The following FBXL16 variants were observed in gnomAD, a reference collection of about 807,000 sequenced individuals.
FBXL16 encodes F-box and leucine rich repeat protein 16.
In FBXL16, 7 loss-of-function variants were observed where a neutral mutation model predicts 36.7. That is an observed-to-expected ratio of 0.19 (90% CI 0.11 to 0.36). The LOEUF (loss-of-function observed/expected upper bound fraction) is 0.36. FBXL16 is among the 10% of genes least tolerant of loss of function. FBXL16 has a pLI of 1.00. For missense variants in FBXL16, 463 were observed against 659.4 expected (o/e 0.70, Z 3.26); for synonymous variants, 355 against 308.7 (o/e 1.15, Z -1.57).
rs1005203491 is a variant in FBXL16 at position 692,511 on chromosome 16, C to T, written c.*1764G>A. 6.6e-6 allele frequency: 1 copy of T among 152,280 alleles called. No individual in the cohort carries two copies. Among genetic ancestry groups the T allele is most frequent in the East Asian group, 1.9e-4 (1 of 5,206 alleles). 9.4% of individuals were successfully genotyped at this position (152,280 alleles called of 1,614,324 possible). The stretch of plus-strand genomic sequence containing the variant: ...ACAACTCAGACACATGTTTTTACAA[C>T]TTTTTTAATATATATTTTTATAAAC... On this transcript the variant is annotated 3_prime_UTR_variant, in exon 6 of 6. Coordinates refer to ENST00000397621, the MANE Select transcript of FBXL16 (RefSeq NM_153350.4).
In FBXL16 at chr16:695,616, T is replaced by C. The variant is rs1366912078; in HGVS notation, c.941A>G (p.Asn314Ser). 1 of 1,606,716 alleles carries C rather than the reference T, an allele frequency of 6.2e-7. No homozygotes were observed. Among genetic ancestry groups the C allele is most frequent in the Non-Finnish European group, 8.5e-7 (1 of 1,178,974 alleles). The change falls in exon 3 of 6, where the codon AAC becomes AGC. Residue 314 changes from asparagine to serine, a missense_variant. By Grantham distance (46) the Asn-to-Ser change is conservative. Transcript: ENST00000397621. ...GAGGTTGGGCAGGCTGTGCACCACG[T>C]TGACCACGCCGTGGTTGGTGATCTC... ...CWEITNHGVV[N>S]VVHSLPNLTA...
chr16:705,272 A>G (rs2040083926), intron 1 of FBXL16, among the ~76,000 whole-genome samples: 1 of 151,710 alleles, frequency 6.6e-6, no homozygotes, highest in African/African-American at 2.4e-5. Flanking sequence ...CCGAGTGGCC[A>G]GTGGGGAGCG....
intron 1 of FBXL16, among the ~76,000 whole-genome samples, chr16:699,288 G>A (rs1252026051): frequency 6.6e-6 from 1 of 152,248 alleles, no homozygotes; most frequent in East Asian, 1.9e-4. Flanking sequence ...CCCTCCTCAG[G>A]CCTCCAGTCT....
chr16:700,322 T>C (rs944579396), intron 1 of FBXL16, among the ~76,000 whole-genome samples: 1 of 152,092 alleles, frequency 6.6e-6, no homozygotes, highest in Non-Finnish European at 1.5e-5. Context: ...ATTCGGGTCC[T>C]GGAAGGTGAG....
chr16:698,143 T>A (rs74955257), intron 1 of FBXL16, among the ~76,000 whole-genome samples: 8,030 of 151,858 alleles, frequency 0.053, 698 homozygotes, highest in African/African-American at 0.18. Context: ...AGCTGGGAAT[T>A]CGGGCGCCCA....
At chr16:694,876 G>T in intron 4 of FBXL16, 116 bp downstream of exon 4, 1 of 1,279,612 alleles carries the variant, frequency 7.8e-7, no homozygotes, top group Non-Finnish European at 1.1e-6. Flanking sequence ...CGCTTAGGTC[G>T]GCTGCTGGAT....
Position 694,779 on chromosome 16 carries a change from G to A in FBXL16, c.1228-82C>T, listed in dbSNP as rs942718082. On this transcript the variant is annotated intron_variant, in intron 4 of 5. Transcript: ENST00000397621. Reference sequence around the variant, plus strand: ...CCCTGGGGTCCATGGAGGGCTAGGCGGGTTCAAGCCCGGGGTTCCTCCGTC... The same window carrying A: ...CCCTGGGGTCCATGGAGGGCTAGGCAGGTTCAAGCCCGGGGTTCCTCCGTC... 1.1e-5 allele frequency: 16 copies of A among 1,430,584 alleles called. No homozygotes were observed. The South Asian group carries it at 1.3e-4, about 12-fold the overall frequency. 88.6% of individuals were successfully genotyped at this position (1,430,584 alleles called of 1,614,324 possible).
At position 695,582 on chromosome 16, in the gene FBXL16, G is replaced by A. The variant is rs1306786067; in HGVS notation, c.975C>T (p.Leu325=). Reference sequence around the variant, plus strand: ...TGACCTTGGAGCAGCCCGAGAGGCTGAGCGCGGTGAGGTTGGGCAGGCTGT... The same window carrying A: ...TGACCTTGGAGCAGCCCGAGAGGCTAAGCGCGGTGAGGTTGGGCAGGCTGT... The part of the protein sequence containing the change: ...VVHSLPNLTA[L]SLSGCSKVTD... Residue 325 remains leucine (L), a synonymous_variant, in exon 3 of 6, where the codon CTC becomes CTT. Transcript: ENST00000397621. The A allele has an allele frequency of 6.2e-7, 1 of 1,605,660 alleles. No individual in the cohort carries two copies. Among genetic ancestry groups the A allele is most frequent in the Non-Finnish European group, 8.5e-7 (1 of 1,179,044 alleles).
intron 1 of FBXL16, among the ~76,000 whole-genome samples, chr16:702,257 C>T (rs931928111): frequency 1.3e-5 from 2 of 152,138 alleles, no homozygotes; most frequent in African/African-American, 2.4e-5. Flanking sequence ...TCTGCCTGGG[C>T]ACACGCCGTT....
At position 696,873 on chromosome 16, in the gene FBXL16, T is replaced by C; in HGVS notation, c.533A>G (p.Asp178Gly). The C allele has an allele frequency of 6.2e-7, 1 of 1,608,666 alleles. No homozygotes were observed. The highest frequency in any genetic ancestry group is 8.5e-7 in the Non-Finnish European group (1 of 1,178,814). ...FEGFCLVGVS[D>G]LDICEFIDNY... The stretch of plus-strand genomic sequence containing the variant: ...GTCAATGAACTCACAGATGTCCAGG[T>C]CGGAGACGCCAACCAGGCAGAAGCC... Residue 178 changes from aspartate to glycine, a missense_variant, in exon 2 of 6, where the codon GAC becomes GGC. Physicochemically the swap from Asp to Gly is moderately conservative, Grantham distance 94. Transcript: ENST00000397621.
chr16:701,288 G>A (rs183371178), intron 1 of FBXL16, among the ~76,000 whole-genome samples: 3 of 152,202 alleles, frequency 2.0e-5, no homozygotes, highest in African/African-American at 7.2e-5. Flanking sequence ...GCCAGAAGGC[G>A]CTGCTCTGCC....
At chr16:705,139 G>A (rs975240906) in intron 1 of FBXL16, among the ~76,000 whole-genome samples, 3 of 152,158 alleles carry the variant, frequency 2.0e-5, no homozygotes, top group African/African-American at 7.2e-5. Context: ...GCAGTTTAAC[G>A]GTCTCTGGCC....
In FBXL16 at chr16:696,891, C is replaced by G; in HGVS notation, c.515G>C (p.Cys172Ser). The G allele has an allele frequency of 6.2e-7, 1 of 1,610,300 alleles. No individual in the cohort carries two copies. Among genetic ancestry groups the G allele is most frequent in the South Asian group, 1.1e-5 (1 of 90,672 alleles). The change falls in exon 2 of 6, where the codon TGC becomes TCC. Residue 172 changes from cysteine (C) to serine (S), a missense_variant. This residue lies in a region of FBXL16 where 263 missense variants were observed against 341.1 expected (regional missense o/e 0.77). Coordinates refer to ENST00000397621, the MANE Select transcript of FBXL16 (RefSeq NM_153350.4). ...GTCCAGGTCGGAGACGCCAACCAGGCAGAAGCCCTCGAAGCCTCTGGCGGC... is the reference window on the plus strand; with the variant it reads ...GTCCAGGTCGGAGACGCCAACCAGGGAGAAGCCCTCGAAGCCTCTGGCGGC... ...GFAARGFEGF[C>S]LVGVSDLDIC...
chr16:696,184 T>C (rs2040010000), intron 2 of FBXL16, among the ~76,000 whole-genome samples: 1 of 152,118 alleles, frequency 6.6e-6, no homozygotes, highest in Admixed American at 6.5e-5. Flanking sequence ...CTTTCCCAGC[T>C]GCCCCTCAGC....
chr16:694,329 G>A lies in FBXL16; in HGVS notation c.1386C>T (p.Pro462=), dbSNP rs991220773. The change falls in exon 6 of 6, where the codon CCC becomes CCT. Residue 462 remains proline (P), a synonymous_variant. Coordinates refer to ENST00000397621, the MANE Select transcript of FBXL16 (RefSeq NM_153350.4). ...LELTNCPGAT[P]ELFKYFSQHL... The stretch of plus-strand genomic sequence containing the variant: ...GCTGCGAGAAATACTTGAAGAGCTC[G>A]GGGGTGGCCCCGGGGCAGTTGGTCA... 4.6e-6 allele frequency: 7 copies of A among 1,509,376 alleles called. No individual in the cohort carries two copies. Among genetic ancestry groups the A allele is most frequent in the Non-Finnish European group, 6.2e-6 (7 of 1,135,124 alleles). 93.5% of individuals were successfully genotyped at this position (1,509,376 alleles called of 1,614,324 possible). A position where few individuals can be genotyped will look rare whatever the true frequency, so the allele number is the denominator to read the frequency against.
At position 694,100 on chromosome 16, in the gene FBXL16, G is replaced by T; in HGVS notation, c.*175C>A. ...CCCCTGCCCGGGGCGGGGCTGGGAG[G>T]GCGGAGGGACCGAAGGTCGGGGAGG... On this transcript the variant is annotated 3_prime_UTR_variant, in exon 6 of 6. Coordinates refer to ENST00000397621, the MANE Select transcript of FBXL16 (RefSeq NM_153350.4). The T allele has an allele frequency of 3.1e-6, 1 of 322,508 alleles. No individual in the cohort carries two copies. Among genetic ancestry groups the T allele is most frequent in the Non-Finnish European group, 5.5e-6 (1 of 180,536 alleles). 20.0% of individuals were successfully genotyped at this position (322,508 alleles called of 1,614,324 possible).
chr16:698,913 CAAAAAAAA>C (rs767619638), intron 1 of FBXL16, among the ~76,000 whole-genome samples: 1 of 89,738 alleles, frequency 1.1e-5, no homozygotes, highest in Non-Finnish European at 2.5e-5. Context: ...GACTTTGTCT[CAAAAAAAA>C]AAAAAAAAAA....
chr16:700,877 C>T (rs772877212), intron 1 of FBXL16, among the ~76,000 whole-genome samples: 2 of 152,192 alleles, frequency 1.3e-5, no homozygotes, highest in Non-Finnish European at 2.9e-5. Flanking sequence ...CGGGGCAGCC[C>T]CGCAATCCCA....
At position 701,533 on chromosome 16, in the gene FBXL16, G is replaced by T. The variant is rs188303565; in HGVS notation, c.-15+3979C>A. Among the ~76,000 whole-genome samples the T allele has an allele frequency of 7.0e-3, 1,064 of 152,318 alleles. 17 individuals carry two copies. Among genetic ancestry groups the T allele is most frequent in the African/African-American group, 0.024 (1,017 of 41,564 alleles). On this transcript the variant is annotated intron_variant, in intron 1 of 5. Transcript: ENST00000397621. ...AAAGCTGAGCTCAACTGGAGACTGG[G>T]GTCTCTCTGCCCGTTCAGCGAGAAG...
Sources: gnomAD v4.1 joint callset for allele counts (sites outside exome capture counted in the v4.1 genomes callset) on GRCh38, gnomAD v4.1.1 for gene constraint, gnomAD v4.1.1 regional missense constraint, MANE v1.5 for transcripts, NCBI Gene and HGNC (gene_info 2026-07-23, HGNC 2026-07-21) for gene names.